Variants in DPP10 observed in about 807,000 individuals in gnomAD.
DPP10 encodes the protein inactive dipeptidyl peptidase 10.
DPP10 carries 33 observed loss-of-function variants against 120.9 expected under a neutral mutation model. That is an observed-to-expected ratio of 0.27 (90% CI 0.21 to 0.37). The LOEUF (loss-of-function observed/expected upper bound fraction) is 0.37. DPP10 is among the 10% of genes least tolerant of loss of function. The probability of loss-of-function intolerance (pLI) is 1.00; values close to 1 mark genes in which losing one functional copy is unlikely to be tolerated. For synonymous variants in DPP10, 337 were observed against 326.1 expected (o/e 1.03, Z -0.36); for missense variants, 816 against 942.8 (o/e 0.87, Z 1.76).
At chr2:115,539,080 A>G (rs1018279047) in intron 5 of DPP10, among the ~76,000 whole-genome samples, 1 of 151,838 alleles carries the variant, frequency 6.6e-6, no homozygotes, top group Non-Finnish European at 1.5e-5. Flanking sequence ...TGCTCGGTGG[A>G]TACAGGAGGT....
intron 5 of DPP10, among the ~76,000 whole-genome samples, chr2:115,650,419 G>T (rs563921429): frequency 1.4e-4 from 19 of 139,728 alleles, no homozygotes; most frequent in Middle Eastern, 4.0e-3. Context: ...AAGGGGGGGG[G>T]GGATAATCCA....
At chr2:115,603,939 A>C (rs963686654) in intron 5 of DPP10, among the ~76,000 whole-genome samples, 1 of 152,218 alleles carries the variant, frequency 6.6e-6, no homozygotes, top group Non-Finnish European at 1.5e-5. Flanking sequence ...TTTACATCTT[A>C]AGAAAGACAT....
chr2:114,520,006 C>T (rs6735341), intron 1 of DPP10, among the ~76,000 whole-genome samples: 1,898 of 152,270 alleles, frequency 0.012, 33 homozygotes, highest in African/African-American at 0.043. Flanking sequence ...AACACAACAA[C>T]CAAGAAAAAA....
chr2:115,799,246 G>A (rs1052944403), intron 19 of DPP10, among the ~76,000 whole-genome samples: 1 of 151,688 alleles, frequency 6.6e-6, no homozygotes, highest in African/African-American at 2.4e-5. Flanking sequence ...TAGAAAACAT[G>A]TCATACAAGA....
At chr2:115,462,055 G>A (rs977508189) in intron 3 of DPP10, among the ~76,000 whole-genome samples, 1 of 152,064 alleles carries the variant, frequency 6.6e-6, no homozygotes, top group Admixed American at 6.6e-5. Context: ...AAAGAATTGG[G>A]ATTTCAACAA....
At chr2:115,243,383 C>T (rs762448362) in intron 1 of DPP10, among the ~76,000 whole-genome samples, 16 of 151,996 alleles carry the variant, frequency 1.1e-4, no homozygotes, top group Non-Finnish European at 1.8e-4. Context: ...TGTTGATTGG[C>T]TGCAAGTCAA....
At chr2:115,167,275 A>G (rs1573865179) in intron 1 of DPP10, among the ~76,000 whole-genome samples, 1 of 151,338 alleles carries the variant, frequency 6.6e-6, no homozygotes, top group Non-Finnish European at 1.5e-5. Context: ...AAAAAAAAAA[A>G]TCTGGGCCTG....
chr2:115,009,005 G>T (rs1702063049), intron 1 of DPP10, among the ~76,000 whole-genome samples: 1 of 61,444 alleles, frequency 1.6e-5, no homozygotes, highest in African/African-American at 5.4e-5. Flanking sequence ...TTCAACCATT[G>T]TGGAAGTCAG....
intron 1 of DPP10, among the ~76,000 whole-genome samples, chr2:114,840,965 C>A (rs1293505283): frequency 6.6e-6 from 1 of 152,128 alleles, no homozygotes; most frequent in African/African-American, 2.4e-5. Context: ...TGGCAAGCTT[C>A]CCTACCAGAC....
intron 2 of DPP10, among the ~76,000 whole-genome samples, chr2:115,343,255 GTATTT>G (rs1210294773): frequency 2.0e-5 from 3 of 152,030 alleles, no homozygotes; most frequent in Non-Finnish European, 4.4e-5. Context: ...TAATATTCTA[GTATTT>G]TATTATTTGA....
chr2:114,978,122 G>A (rs1200643193), intron 1 of DPP10, among the ~76,000 whole-genome samples: 1 of 152,092 alleles, frequency 6.6e-6, no homozygotes, highest in East Asian at 1.9e-4. Context: ...GAATTTAGCA[G>A]TTTGGATCGC....
chr2:115,775,029 T>G (rs553232307), intron 13 of DPP10, among the ~76,000 whole-genome samples: 1 of 152,232 alleles, frequency 6.6e-6, no homozygotes. Flanking sequence ...ATATAATTTC[T>G]ATTCATAGTT....
chr2:115,086,452 C>CTTT (rs70941026), intron 1 of DPP10, among the ~76,000 whole-genome samples: 4 of 106,468 alleles, frequency 3.8e-5, no homozygotes, highest in African/African-American at 6.7e-5. Context: ...CAATGTATTT[C>CTTT]TTTTTTTTTT....
At chr2:114,681,972 TG>T (rs890029888) in intron 1 of DPP10, among the ~76,000 whole-genome samples, 5 of 152,014 alleles carry the variant, frequency 3.3e-5, no homozygotes, top group African/African-American at 9.7e-5. Context: ...ATGGCTGGCC[TG>T]GGTCTCACCT....
intron 1 of DPP10, among the ~76,000 whole-genome samples, chr2:115,130,390 C>T (rs1028099864): frequency 1.5e-4 from 23 of 152,060 alleles, no homozygotes; most frequent in Non-Finnish European, 2.4e-4. Flanking sequence ...AATCCTCTTC[C>T]GATTCCACAG....
At chr2:114,968,657 T>A (rs917949160) in intron 1 of DPP10, among the ~76,000 whole-genome samples, 1 of 152,188 alleles carries the variant, frequency 6.6e-6, no homozygotes, top group African/African-American at 2.4e-5. Context: ...GTCTATTTCC[T>A]TACACCAGGT....
chr2:115,391,105 A>C (rs2067287574), intron 3 of DPP10, among the ~76,000 whole-genome samples: 1 of 152,324 alleles, frequency 6.6e-6, no homozygotes, highest in Non-Finnish European at 1.5e-5. Context: ...TAAGAACCAC[A>C]TGAAGGTACT....
chr2:115,261,390 T>G (rs1312006763), intron 1 of DPP10, among the ~76,000 whole-genome samples: 1 of 152,172 alleles, frequency 6.6e-6, no homozygotes, highest in African/African-American at 2.4e-5. Flanking sequence ...ATGGAACGCA[T>G]GGTGAAGAAA....
intron 3 of DPP10, among the ~76,000 whole-genome samples, chr2:115,437,061 T>G (rs186205183): frequency 2.6e-5 from 4 of 152,106 alleles, no homozygotes; most frequent in Admixed American, 2.6e-4. Flanking sequence ...CAGTGTCATT[T>G]ATTGATAATT....
Sources: allele counts gnomAD v4.1 joint callset (sites outside exome capture counted in the v4.1 genomes callset), GRCh38; gene constraint gnomAD v4.1.1; transcripts MANE v1.5; gene names NCBI Gene and HGNC (gene_info 2026-07-23, HGNC 2026-07-21).